MYO7A: variants seen among roughly 807,000 people sequenced by gnomAD.
MYO7A encodes the protein myosin VIIA, also known as unconventional myosin-VIIa.
MYO7A carries 210 observed loss-of-function variants against 263.8 expected under a neutral mutation model. The observed-to-expected ratio is 0.80, with a 90% CI of 0.71 to 0.89. The LOEUF is 0.89. Among genes scored for constraint, MYO7A ranks in the 40% least tolerant of loss-of-function variants. The pLI, the probability that MYO7A is intolerant of heterozygous loss-of-function variation, is 0.00. For missense variants in MYO7A, 2,820 were observed against 2,968.3 expected, an observed-to-expected ratio of 0.95 and a Z score of 1.16; for synonymous variants, 1,239 against 1,197.3, an observed-to-expected ratio of 1.03 and a Z score of -0.72.
chr11:77,209,978 G>A (rs1427786350), intron 44 of MYO7A, among the ~76,000 whole-genome samples: 1 of 152,140 alleles, frequency 6.6e-6, no homozygotes, highest in African/African-American at 2.4e-5. Flanking sequence ...TGTGCCACAG[G>A]GCCTTTGTAA....
chr11:77,160,622 C>G (rs781898110), intron 11 of MYO7A, among the ~76,000 whole-genome samples: 11 of 152,094 alleles, frequency 7.2e-5, no homozygotes, highest in Non-Finnish European at 1.5e-4. Context: ...ATTCATCGAG[C>G]CTTCACCCAC....
Position 77,164,463 on chromosome 11 carries a change from C to T in MYO7A, c.1690+1475C>T, listed in dbSNP as rs146408191. Reference sequence around the variant, plus strand: ...ATATCCAAACATGCTATAACCCATCCGTTTCTTACTCCGTTGCTGAACTGG... The same window carrying T: ...ATATCCAAACATGCTATAACCCATCTGTTTCTTACTCCGTTGCTGAACTGG... On this transcript the variant is annotated intron_variant, in intron 14 of 48. Coordinates refer to ENST00000409709, the MANE Select transcript of MYO7A (RefSeq NM_000260.4). 7.6e-3 allele frequency among the ~76,000 whole-genome samples: 1,164 copies of T among 152,188 alleles called. 19 individuals are homozygous for T. The highest frequency in any genetic ancestry group is 0.027 in the African/African-American group (1,102 of 41,512).
At chr11:77,190,914 C>T (rs527775109) in intron 30 of MYO7A, 44 bp downstream of exon 30, 19 of 1,506,110 alleles carry the variant, frequency 1.3e-5, no homozygotes, top group East Asian at 9.9e-5. Context: ...CACCTCCTCC[C>T]GGCCCCACTC....
intron 37 of MYO7A, 46 bp downstream of exon 37, chr11:77,202,470 C>T: frequency 6.5e-7 from 1 of 1,536,836 alleles, no homozygotes; most frequent in East Asian, 2.5e-5. Context: ...CTAGGAGCTG[C>T]AGGCTTCCGC....
chr11:77,160,077 C>T (rs1400878702), intron 10 of MYO7A, 86 bp from the exon 11 acceptor site: 2 of 1,497,980 alleles, frequency 1.3e-6, no homozygotes, highest in East Asian at 2.5e-5. Context: ...CTGGGCCAGG[C>T]CAGTGCCGGA....
intron 31 of MYO7A, among the ~76,000 whole-genome samples, chr11:77,192,563 G>A (rs1164328861): frequency 6.6e-6 from 1 of 152,108 alleles, no homozygotes. Context: ...AGGACGTGCC[G>A]CAGGACCTGC....
At chr11:77,203,470 G>C (rs1268639924) in intron 38 of MYO7A, among the ~76,000 whole-genome samples, 2 of 152,218 alleles carry the variant, frequency 1.3e-5, no homozygotes. Flanking sequence ...GCAGGGACCA[G>C]CCCAGCCCCT....
intron 4 of MYO7A, among the ~76,000 whole-genome samples, chr11:77,154,837 C>T (rs141182275): frequency 9.9e-5 from 15 of 152,258 alleles, no homozygotes; most frequent in Non-Finnish European, 1.9e-4. Flanking sequence ...GAGCCTGGGT[C>T]TTGGCCCCAC....
At chr11:77,160,084 C>A in intron 10 of MYO7A, 79 bp from the exon 11 acceptor site, 1 of 1,508,324 alleles carries the variant, frequency 6.6e-7, no homozygotes, top group Admixed American at 2.0e-5. Flanking sequence ...AGGCCAGTGC[C>A]GGAAAGTGGA....
chr11:77,194,116 C>A, intron 31 of MYO7A: 1 of 685,122 alleles, frequency 1.5e-6, no homozygotes, highest in Non-Finnish European at 2.7e-6. Context: ...CAGCTCCATG[C>A]CAGTGCCAGA....
intron 15 of MYO7A, among the ~76,000 whole-genome samples, chr11:77,166,718 C>T (rs1305400338): frequency 1.3e-5 from 2 of 152,180 alleles, no homozygotes; most frequent in African/African-American, 4.8e-5. Flanking sequence ...TGCATGAAGT[C>T]CTCACGCAGA....
chr11:77,182,484 T>C lies in MYO7A; in HGVS notation c.3169T>C (p.Tyr1057His). The C allele has an allele frequency of 6.2e-7, 1 of 1,611,042 alleles. No individual in the cohort carries two copies. The highest frequency in any genetic ancestry group is 1.1e-5 in the South Asian group (1 of 91,086). ...CATGGGGGACCTCCCTGAGCCCAAG[T>C]ACCACACAGCCATGAGTGATGGCAG... ...RFMGDLPEPK[Y>H]HTAMSDGSEK... Residue 1057 changes from tyrosine to histidine, a missense_variant, in exon 25 of 49, where the codon TAC becomes CAC. By Grantham distance (83) the Tyr-to-His change is moderately conservative (BLOSUM62 2). Transcript: ENST00000409709.
intron 15 of MYO7A, among the ~76,000 whole-genome samples, chr11:77,171,344 C>T (rs995484182): frequency 3.3e-5 from 5 of 152,142 alleles, no homozygotes; most frequent in Non-Finnish European, 7.3e-5. Flanking sequence ...CTCCAGTGAC[C>T]GGGGTCACCC....
intron 7 of MYO7A, 50 bp from the exon 8 acceptor site, chr11:77,157,229 C>G: frequency 1.4e-6 from 2 of 1,480,726 alleles, no homozygotes; most frequent in Non-Finnish European, 1.9e-6. Flanking sequence ...TCCTGATGGC[C>G]TCCTCTGGCC....
intron 19 of MYO7A, 117 bp from the exon 20 acceptor site, chr11:77,178,928 G>A: frequency 1.3e-6 from 1 of 757,262 alleles, no homozygotes; most frequent in Non-Finnish European, 2.3e-6. Context: ...CCTTGCCCAA[G>A]GTCATATAGC....
chr11:77,171,851 C>T (rs1048956513), intron 15 of MYO7A, among the ~76,000 whole-genome samples: 1 of 152,178 alleles, frequency 6.6e-6, no homozygotes, highest in African/African-American at 2.4e-5. Context: ...CTCAGGGCTT[C>T]CCCCACCTCA....
At chr11:77,195,660 A>C (rs1956600684) in intron 32 of MYO7A, among the ~76,000 whole-genome samples, 1 of 152,246 alleles carries the variant, frequency 6.6e-6, no homozygotes, top group African/African-American at 2.4e-5. Flanking sequence ...TGGAGCCCAC[A>C]GCTGAGCTGG....
At position 77,162,967 on chromosome 11, in the gene MYO7A, A is replaced by G. The variant is rs1282033456; in HGVS notation, c.1669A>G (p.Ile557Val). ...TQFGINHFAG[I>V]VYYETQGFLE... ...GTTTGGCATCAACCATTTTGCAGGC[A>G]TCGTCTACTATGAGACCCAAGGTAC... is the stretch of plus-strand genomic sequence containing the variant. The change falls in exon 14 of 49, where the codon ATC becomes GTC. Residue 557 changes from isoleucine to valine, a missense_variant. Physicochemically the swap from Ile to Val is conservative, Grantham distance 29. Transcript: ENST00000409709. 3 of 1,613,786 alleles carry G rather than the reference A, an allele frequency of 1.9e-6. No homozygotes were observed. In the East Asian group the frequency reaches 6.7e-5, roughly 36 times the overall value.
intron 2 of MYO7A, among the ~76,000 whole-genome samples, chr11:77,134,519 A>T (rs1591172856): frequency 6.6e-6 from 1 of 151,900 alleles, no homozygotes; most frequent in African/African-American, 2.4e-5. Flanking sequence ...TGCAGATGCT[A>T]TTCACAAGTG....
Sources: allele counts gnomAD v4.1 joint callset (sites outside exome capture counted in the v4.1 genomes callset), GRCh38; gene constraint gnomAD v4.1.1; transcripts MANE v1.5; gene names NCBI Gene and HGNC (gene_info 2026-07-23, HGNC 2026-07-21).